The following GRM3 variants were observed in gnomAD, a reference collection of about 807,000 sequenced individuals.
GRM3 encodes the protein metabotropic glutamate receptor 3.
Under a neutral mutation model 70.5 loss-of-function variants are expected in GRM3, and 26 were observed. The ratio of observed to expected loss-of-function variants is 0.37; its 90% CI spans 0.27 to 0.51. The LOEUF (loss-of-function observed/expected upper bound fraction) is 0.51, where lower values mean the gene tolerates loss of function less well. Among genes scored for constraint, GRM3 ranks in the 20% least tolerant of loss-of-function variants. The probability of loss-of-function intolerance (pLI) is 0.93; values close to 1 mark genes in which losing one functional copy is unlikely to be tolerated. For missense variants in GRM3, 859 were observed against 1,123.8 expected, an observed-to-expected ratio of 0.76 and a Z score of 3.37; for synonymous variants, 443 against 434.9, an observed-to-expected ratio of 1.02 and a Z score of -0.23.
intron 1 of GRM3, among the ~76,000 whole-genome samples, chr7:86,696,058 A>G (rs724226): frequency 0.7 from 106,031 of 151,510 alleles, 37,603 homozygotes; most frequent in East Asian, 0.87. Context: ...AACACTTGCT[A>G]CTCCTCTACA....
intron 1 of GRM3, among the ~76,000 whole-genome samples, chr7:86,694,860 C>T (rs75924777): frequency 6.6e-6 from 1 of 152,252 alleles, no homozygotes; most frequent in Middle Eastern, 3.4e-3. Context: ...GGAGAAATAA[C>T]TCTTATTTTC....
At chr7:86,660,451 G>T (rs1472103711) in intron 1 of GRM3, among the ~76,000 whole-genome samples, 1 of 151,930 alleles carries the variant, frequency 6.6e-6, no homozygotes, top group Non-Finnish European at 1.5e-5. Flanking sequence ...AGAGGAAAAG[G>T]TTAGCAAAAT....
At chr7:86,671,518 C>A (rs1004313210) in intron 1 of GRM3, among the ~76,000 whole-genome samples, 2 of 152,166 alleles carry the variant, frequency 1.3e-5, no homozygotes, top group African/African-American at 4.8e-5. Flanking sequence ...GTATTCCCAA[C>A]AAGCTACTCA....
intron 1 of GRM3, among the ~76,000 whole-genome samples, chr7:86,720,064 T>G (rs982581612): frequency 4.0e-5 from 6 of 151,896 alleles, no homozygotes; most frequent in African/African-American, 1.5e-4. Context: ...AGAACAACCA[T>G]GGAAAGAGAT....
chr7:86,790,889 A>G (rs1327599325), intron 3 of GRM3, among the ~76,000 whole-genome samples: 2 of 151,730 alleles, frequency 1.3e-5, no homozygotes, highest in African/African-American at 4.8e-5. Flanking sequence ...AGATGCCCCT[A>G]TTTCCCTTGT....
intron 3 of GRM3, among the ~76,000 whole-genome samples, chr7:86,832,466 G>A (rs1798372614): frequency 6.6e-6 from 1 of 151,984 alleles, no homozygotes; most frequent in African/African-American, 2.4e-5. Context: ...GTCCAGGCTG[G>A]TCTTGAACTC....
At chr7:86,730,314 G>GA (rs1795700197) in intron 1 of GRM3, among the ~76,000 whole-genome samples, 1 of 152,008 alleles carries the variant, frequency 6.6e-6, no homozygotes, top group Non-Finnish European at 1.5e-5. Flanking sequence ...CAGCTACTCA[G>GA]AAGGCTGAGA....
At chr7:86,836,420 T>G (rs936196929) in intron 3 of GRM3, among the ~76,000 whole-genome samples, 1 of 152,208 alleles carries the variant, frequency 6.6e-6, no homozygotes, top group Admixed American at 6.5e-5. Context: ...ATACAGCTAT[T>G]GAAAATAAAG....
intron 1 of GRM3, among the ~76,000 whole-genome samples, chr7:86,668,983 A>T (rs1048010790): frequency 1.3e-5 from 2 of 152,158 alleles, no homozygotes; most frequent in African/African-American, 4.8e-5. Context: ...GCTGGTTAAA[A>T]GGATAAATAA....
In GRM3 at chr7:86,644,798, A is replaced by T; in HGVS notation, c.-215A>T. The T allele has an allele frequency of 7.8e-7, 1 of 1,289,582 alleles. No individual in the cohort carries two copies. The highest frequency in any genetic ancestry group is 1.0e-6 in the Non-Finnish European group (1 of 988,652). The allele number at this position is 1,289,582 out of a possible 1,614,324, so 79.9% of individuals were successfully genotyped here. A position where few individuals can be genotyped will look rare whatever the true frequency, so the allele number is the denominator to read the frequency against. On this transcript the variant is annotated 5_prime_UTR_variant, in exon 1 of 6. Coordinates refer to ENST00000361669, the MANE Select transcript of GRM3 (RefSeq NM_000840.3). ...ATGAGGAGGACCAACCATGAGCCAG[A>T]GCCCGGGTGCAGGCTCACCGCCGCC...
intron 1 of GRM3, among the ~76,000 whole-genome samples, chr7:86,746,745 A>C (rs368998750): frequency 1.3e-5 from 2 of 152,082 alleles, no homozygotes; most frequent in East Asian, 3.9e-4. Context: ...AATATTGGAC[A>C]GAGATGCAGT....
intron 1 of GRM3, among the ~76,000 whole-genome samples, chr7:86,662,154 ACT>A (rs1793910520): frequency 1.3e-5 from 2 of 151,798 alleles, no homozygotes; most frequent in East Asian, 1.9e-4. Flanking sequence ...GGAAAGAAAA[ACT>A]CTATTTCATG....
At chr7:86,772,186 A>G (rs564892584) in intron 2 of GRM3, among the ~76,000 whole-genome samples, 1 of 152,228 alleles carries the variant, frequency 6.6e-6, no homozygotes, top group Admixed American at 6.5e-5. Context: ...GTAGAGAGTA[A>G]GTCTTTGTTG....
intron 1 of GRM3, among the ~76,000 whole-genome samples, chr7:86,746,072 T>C (rs1002863687): frequency 1.1e-4 from 16 of 151,940 alleles, no homozygotes; most frequent in African/African-American, 3.9e-4. Context: ...TTATCCAACT[T>C]TGTCAAAGAT....
intron 1 of GRM3, among the ~76,000 whole-genome samples, chr7:86,752,583 A>C (rs1796255655): frequency 1.3e-5 from 2 of 152,094 alleles, no homozygotes; most frequent in African/African-American, 4.8e-5. Context: ...GTAGGGGTCA[A>C]TATTCCCTGA....
chr7:86,740,913 G>C (rs374918307), intron 1 of GRM3, among the ~76,000 whole-genome samples: 9 of 152,058 alleles, frequency 5.9e-5, no homozygotes, highest in Non-Finnish European at 7.4e-5. Flanking sequence ...GAGCACGTCC[G>C]CTGAAGATGT....
intron 1 of GRM3, among the ~76,000 whole-genome samples, chr7:86,655,729 G>A (rs1417406057): frequency 2.0e-5 from 3 of 151,926 alleles, no homozygotes; most frequent in African/African-American, 7.3e-5. Flanking sequence ...CAAAGTTAGG[G>A]GTGGAAGGTA....
At chr7:86,812,676 G>GTAATT (rs1797935588) in intron 3 of GRM3, among the ~76,000 whole-genome samples, 1 of 151,632 alleles carries the variant, frequency 6.6e-6, no homozygotes, top group Non-Finnish European at 1.5e-5. Context: ...GCATTTGCCG[G>GTAATT]GCATATCAAA....
chr7:86,792,660 C>G (rs1797447974), intron 3 of GRM3, among the ~76,000 whole-genome samples: 1 of 152,192 alleles, frequency 6.6e-6, no homozygotes, highest in African/African-American at 2.4e-5. Flanking sequence ...GAGGACCCAA[C>G]AGTAAACAAG....
Sources: allele counts gnomAD v4.1 joint callset (sites outside exome capture counted in the v4.1 genomes callset), GRCh38; gene constraint gnomAD v4.1.1; transcripts MANE v1.5; gene names NCBI Gene and HGNC (gene_info 2026-07-23, HGNC 2026-07-21).